Variants in GRM8 observed in about 807,000 individuals in gnomAD.
GRM8 encodes the protein metabotropic glutamate receptor 8.
Under a neutral mutation model 87.2 loss-of-function variants are expected in GRM8, and 47 were observed. The observed-to-expected ratio is 0.54, with a 90% CI of 0.43 to 0.69. The LOEUF (loss-of-function observed/expected upper bound fraction) is 0.69. Ranked by LOEUF, GRM8 falls within the 30% of genes least tolerant of loss-of-function variation. The pLI is 0.00. For missense variants in GRM8, 1,019 were observed against 1,139.2 expected (o/e 0.89, Z 1.52); for synonymous variants, 396 against 404.5 (o/e 0.98, Z 0.25).
At chr7:126,507,982 T>C (rs187474912) in intron 9 of GRM8, among the ~76,000 whole-genome samples, 1 of 152,120 alleles carries the variant, frequency 6.6e-6, no homozygotes, top group East Asian at 1.9e-4. Context: ...ATGTTTCCAC[T>C]GTTTTACTCA....
intron 6 of GRM8, among the ~76,000 whole-genome samples, chr7:126,898,902 T>C (rs1229067703): frequency 6.6e-6 from 1 of 151,992 alleles, no homozygotes. Context: ...ATGCATTAGG[T>C]ATTTGGCCTA....
intron 9 of GRM8, among the ~76,000 whole-genome samples, chr7:126,494,606 T>C (rs1808464292): frequency 6.6e-6 from 1 of 152,052 alleles, no homozygotes; most frequent in African/African-American, 2.4e-5. Flanking sequence ...TTTGACACTC[T>C]ACTTATTTTC....
At chr7:126,497,100 C>T (rs1159761313) in intron 9 of GRM8, among the ~76,000 whole-genome samples, 1 of 151,130 alleles carries the variant, frequency 6.6e-6, no homozygotes, top group Non-Finnish European at 1.5e-5. Context: ...AAGGGTTGGG[C>T]ATAGTGATTA....
intron 7 of GRM8, among the ~76,000 whole-genome samples, chr7:126,715,032 A>C (rs147691564): frequency 4.6e-5 from 7 of 152,226 alleles, no homozygotes; most frequent in Non-Finnish European, 7.3e-5. Context: ...TCTATGGTAC[A>C]TATCAAGCAA....
chr7:127,212,109 A>G (rs1336004264), intron 2 of GRM8, among the ~76,000 whole-genome samples: 1 of 152,212 alleles, frequency 6.6e-6, no homozygotes, highest in African/African-American at 2.4e-5. Flanking sequence ...CAGAGCCAGC[A>G]TAAAAAGTGT....
intron 2 of GRM8, among the ~76,000 whole-genome samples, chr7:127,176,331 A>G (rs1205036840): frequency 1.3e-5 from 2 of 152,228 alleles, no homozygotes; most frequent in Non-Finnish European, 2.9e-5. Flanking sequence ...TTATACAACT[A>G]TACCAATAAT....
chr7:126,549,255 G>A (rs773133409), intron 8 of GRM8, among the ~76,000 whole-genome samples: 4 of 152,086 alleles, frequency 2.6e-5, no homozygotes, highest in Non-Finnish European at 5.9e-5. Context: ...TCAAAGATAT[G>A]AGGAAAGATT....
At chr7:127,034,202 C>G (rs1237750413) in intron 3 of GRM8, among the ~76,000 whole-genome samples, 1 of 152,168 alleles carries the variant, frequency 6.6e-6, no homozygotes. Flanking sequence ...GCTAAGCAGC[C>G]AAATTCAGCC....
At chr7:126,849,287 G>A (rs1563246919) in intron 6 of GRM8, among the ~76,000 whole-genome samples, 1 of 152,052 alleles carries the variant, frequency 6.6e-6, no homozygotes, top group Admixed American at 6.6e-5. Context: ...AAAGCATATA[G>A]GGAATACTTT....
intron 2 of GRM8, among the ~76,000 whole-genome samples, chr7:127,134,612 G>C (rs891233947): frequency 6.6e-6 from 1 of 151,998 alleles, no homozygotes; most frequent in Non-Finnish European, 1.5e-5. Flanking sequence ...ATTTTAAAGA[G>C]AAAAAATTAA....
At chr7:126,840,892 G>A (rs996699361) in intron 6 of GRM8, among the ~76,000 whole-genome samples, 8 of 152,138 alleles carry the variant, frequency 5.3e-5, no homozygotes, top group Non-Finnish European at 7.4e-5. Flanking sequence ...CCCTATCAGA[G>A]GAAGATCTGA....
In GRM8 at chr7:126,904,627, A is replaced by T; in HGVS notation, c.784T>A (p.Phe262Ile). The change falls in exon 4 of 11, where the codon TTT becomes ATT. Residue 262 changes from phenylalanine to isoleucine, a missense_variant. Coordinates refer to ENST00000339582, the MANE Select transcript of GRM8 (RefSeq NM_000845.3). ...AGCAGGCGTTTGATAATTTTTTCAA[A>T]TTCTCCAGGTCTTGGTTCACGTGGG... is the stretch of plus-strand genomic sequence containing the variant. ...KIPREPRPGE[F>I]EKIIKRLLET... 1.9e-6 allele frequency: 3 copies of T among 1,613,822 alleles called. No individual in the cohort carries two copies. Among genetic ancestry groups the T allele is most frequent in the Non-Finnish European group, 2.5e-6 (3 of 1,179,730 alleles).
chr7:126,936,230 T>A (rs978799357), intron 3 of GRM8, among the ~76,000 whole-genome samples: 85 of 151,910 alleles, frequency 5.6e-4, no homozygotes, highest in African/African-American at 2.0e-3. Context: ...TGTCCTGTGA[T>A]TTTTTTTCTT....
At chr7:126,529,490 C>A (rs1814457525) in intron 9 of GRM8, among the ~76,000 whole-genome samples, 2 of 152,182 alleles carry the variant, frequency 1.3e-5, no homozygotes, top group Non-Finnish European at 2.9e-5. Flanking sequence ...AGCTTTCTGA[C>A]TTAAGCTGCT....
chr7:127,075,670 A>T (rs549961233), intron 3 of GRM8, among the ~76,000 whole-genome samples: 3 of 152,238 alleles, frequency 2.0e-5, no homozygotes, highest in East Asian at 3.9e-4. Context: ...GAAGCTGTTG[A>T]ATCTAATTTA....
intron 3 of GRM8, among the ~76,000 whole-genome samples, chr7:127,106,043 T>C (rs999532989): frequency 6.6e-6 from 1 of 152,238 alleles, no homozygotes; most frequent in African/African-American, 2.4e-5. Flanking sequence ...ATTGCTTAAG[T>C]ATAGCCTTGA....
At chr7:127,099,348 A>G (rs1824997063) in intron 3 of GRM8, among the ~76,000 whole-genome samples, 1 of 152,164 alleles carries the variant, frequency 6.6e-6, no homozygotes, top group African/African-American at 2.4e-5. Flanking sequence ...ATAAAAATAA[A>G]TTAGGCCAGA....
chr7:126,882,302 G>T (rs1232552204), intron 6 of GRM8, among the ~76,000 whole-genome samples: 2 of 151,722 alleles, frequency 1.3e-5, no homozygotes, highest in Non-Finnish European at 2.9e-5. Flanking sequence ...ATAGCTTCAG[G>T]TTTTTGCTTA....
intron 8 of GRM8, among the ~76,000 whole-genome samples, chr7:126,586,987 A>G (rs1382956397): frequency 6.6e-6 from 1 of 152,186 alleles, no homozygotes; most frequent in Non-Finnish European, 1.5e-5. Flanking sequence ...TTTACAAAAA[A>G]AAACCAAGCC....
Sources: gnomAD v4.1 joint callset for allele counts (sites outside exome capture counted in the v4.1 genomes callset) on GRCh38, gnomAD v4.1.1 for gene constraint, MANE v1.5 for transcripts, NCBI Gene and HGNC (gene_info 2026-07-23, HGNC 2026-07-21) for gene names.